Variants in PRDM2 observed in about 807,000 individuals in gnomAD.
PRDM2 encodes the protein PR domain zinc finger protein 2.
A neutral mutation model predicts 130.0 loss-of-function variants in PRDM2; 30 were observed. That is an observed-to-expected ratio of 0.23 (90% CI 0.17 to 0.31). The LOEUF (loss-of-function observed/expected upper bound fraction) is 0.31, where lower values mean the gene tolerates loss of function less well. PRDM2 is among the 10% of genes least tolerant of loss of function. The pLI is 1.00. For synonymous variants in PRDM2, 871 were observed against 782.4 expected, an observed-to-expected ratio of 1.11 and a Z score of -1.89; for missense variants, 2,011 against 2,108.4, an observed-to-expected ratio of 0.95 and a Z score of 0.90.
At chr1:13,722,369 G>T (rs775420244) in intron 2 of PRDM2, among the ~76,000 whole-genome samples, 2 of 152,162 alleles carry the variant, frequency 1.3e-5, no homozygotes, top group Admixed American at 6.5e-5. Flanking sequence ...AATTGAGAAA[G>T]GCCCAGAGTA....
At position 13,779,181 on chromosome 1, in the gene PRDM2, G is replaced by C; in HGVS notation, c.1386G>C (p.Lys462Asn). 1.2e-6 allele frequency: 2 copies of C among 1,614,152 alleles called. No individual in the cohort carries two copies. Among genetic ancestry groups the C allele is most frequent in the Non-Finnish European group, 1.7e-6 (2 of 1,180,034 alleles). ...ACTGTCTGATCATGAATTCAGAGAAGGCTTCCCAAGACACAATAAATTCTT... is the reference window on the plus strand; with the variant it reads ...ACTGTCTGATCATGAATTCAGAGAACGCTTCCCAAGACACAATAAATTCTT... Reference protein sequence around the residue: ...GPDCLIMNSEKASQDTINSSV... With the variant: ...GPDCLIMNSENASQDTINSSV... The change falls in exon 8 of 10, where the codon AAG becomes AAC. Residue 462 changes from lysine to asparagine, a missense_variant. By Grantham distance (94) the Lys-to-Asn change is moderately conservative. Transcript: ENST00000311066. This position sits in a 1 kb window ranked among gnomAD's most constrained non-coding sequence, Gnocchi z 4.9.
chr1:13,789,400 CT>C (rs1464623319), intron 8 of PRDM2, among the ~76,000 whole-genome samples: 1 of 152,168 alleles, frequency 6.6e-6, no homozygotes, highest in African/African-American at 2.4e-5. Flanking sequence ...GTTGTAGGTG[CT>C]TAGGATACAT....
intron 6 of PRDM2, among the ~76,000 whole-genome samples, chr1:13,758,634 T>C (rs1200062446): frequency 6.6e-6 from 1 of 152,110 alleles, no homozygotes; most frequent in Non-Finnish European, 1.5e-5. Flanking sequence ...GGTTAAAACT[T>C]GGTGCGTATA....
chr1:13,767,194 G>A (rs1406979334), intron 6 of PRDM2, among the ~76,000 whole-genome samples: 1 of 151,710 alleles, frequency 6.6e-6, no homozygotes, highest in Non-Finnish European at 1.5e-5. Context: ...TTCAGATCAG[G>A]GTTCTGTGCT....
intron 6 of PRDM2, among the ~76,000 whole-genome samples, chr1:13,756,524 G>C (rs1261982345): frequency 6.6e-6 from 1 of 152,150 alleles, no homozygotes; most frequent in Non-Finnish European, 1.5e-5. Flanking sequence ...GGTTGAAATA[G>C]TTTAGAGGAG....
chr1:13,740,487 T>C (rs1000573718), intron 4 of PRDM2, among the ~76,000 whole-genome samples: 2 of 152,220 alleles, frequency 1.3e-5, no homozygotes, highest in African/African-American at 2.4e-5. Flanking sequence ...TTAAAGTAAC[T>C]ACAGTGCACC....
intron 6 of PRDM2, among the ~76,000 whole-genome samples, chr1:13,761,603 A>AGT (rs1644100122): frequency 6.6e-6 from 1 of 152,042 alleles, no homozygotes; most frequent in Non-Finnish European, 1.5e-5. Flanking sequence ...CCTGACCCCC[A>AGT]GTGTTGTCTA....
intron 6 of PRDM2, among the ~76,000 whole-genome samples, chr1:13,758,688 T>C (rs1185247155): frequency 1.3e-5 from 2 of 152,184 alleles, no homozygotes; most frequent in Admixed American, 6.5e-5. Flanking sequence ...GACTAGAAAA[T>C]TCTCAGTGTT....
chr1:13,788,818 A>C (rs914242688), intron 8 of PRDM2, among the ~76,000 whole-genome samples: 1 of 152,214 alleles, frequency 6.6e-6, no homozygotes, highest in Non-Finnish European at 1.5e-5. Context: ...CTGGCCGTTC[A>C]TCCCTTCCCT....
chr1:13,762,686 C>T (rs1644127370), intron 6 of PRDM2, among the ~76,000 whole-genome samples: 1 of 152,214 alleles, frequency 6.6e-6, no homozygotes, highest in Admixed American at 6.5e-5. Context: ...GAGACCAGCA[C>T]CAAGGAAGAT....
intron 1 of PRDM2, among the ~76,000 whole-genome samples, chr1:13,708,259 G>A (rs187685853): frequency 4.0e-5 from 6 of 151,842 alleles, no homozygotes; most frequent in East Asian, 3.9e-4. Context: ...ATCTAAATGC[G>A]GATTTATAGT....
At chr1:13,773,730 GATA>G (rs1644408693) in intron 7 of PRDM2, 1 of 151,952 alleles carries the variant, frequency 6.6e-6, no homozygotes. Context: ...TAAAAATAAT[GATA>G]ATAAAATGAA....
At chr1:13,808,699 A>T (rs1460017955) in intron 8 of PRDM2, among the ~76,000 whole-genome samples, 1 of 152,146 alleles carries the variant, frequency 6.6e-6, no homozygotes, top group Non-Finnish European at 1.5e-5. Flanking sequence ...CCTTCCTTAC[A>T]TGTTGAGGGT....
Position 13,774,726 on chromosome 1 carries a change from C to G in PRDM2, c.622+1538C>G, listed in dbSNP as rs1644434195. On this transcript the variant is annotated intron_variant, in intron 7 of 9. Coordinates refer to ENST00000311066, the MANE Select transcript of PRDM2 (RefSeq NM_001393986.1). ...GCGCGGTGGCTCACGCCTGTAATCC[C>G]AGCACTTTGGGAGGCCGAGGCGGGT... is the stretch of plus-strand genomic sequence containing the variant. Among the ~76,000 whole-genome samples the G allele has an allele frequency of 5.9e-5, 9 of 152,200 alleles. No homozygotes were observed. The South Asian group carries it at 1.9e-3, about 32-fold the overall frequency.
At chr1:13,708,435 A>G (rs1317159324) in intron 1 of PRDM2, among the ~76,000 whole-genome samples, 2 of 152,204 alleles carry the variant, frequency 1.3e-5, no homozygotes, top group Non-Finnish European at 2.9e-5. Context: ...GGAGCTCTGC[A>G]GCTCCAAAGC....
chr1:13,769,454 G>A (rs1261196397), intron 6 of PRDM2, among the ~76,000 whole-genome samples: 2 of 152,214 alleles, frequency 1.3e-5, no homozygotes, highest in Non-Finnish European at 2.9e-5. Flanking sequence ...TCTGCTTTCT[G>A]TTCTGCCATA....
intron 2 of PRDM2, among the ~76,000 whole-genome samples, chr1:13,730,566 T>A (rs144229276): frequency 5.3e-5 from 8 of 152,316 alleles, no homozygotes; most frequent in Middle Eastern, 3.4e-3. Flanking sequence ...AGGGCCCCAG[T>A]AGCCTTTGTG....
chr1:13,817,601 A>T (rs907540301), intron 9 of PRDM2, among the ~76,000 whole-genome samples: 7 of 151,530 alleles, frequency 4.6e-5, no homozygotes, highest in African/African-American at 1.7e-4. Context: ...GGATGCTTTT[A>T]TAAATACAGA....
At chr1:13,734,520 T>C (rs1400456518) in intron 4 of PRDM2, among the ~76,000 whole-genome samples, 1 of 152,234 alleles carries the variant, frequency 6.6e-6, no homozygotes, top group African/African-American at 2.4e-5. Flanking sequence ...TATTGTATAA[T>C]TTATTAATAG....
Sources: gnomAD v4.1 joint callset for allele counts (sites outside exome capture counted in the v4.1 genomes callset) on GRCh38, gnomAD v4.1.1 for gene constraint, Gnocchi (gnomAD v3.1) non-coding constraint, MANE v1.5 for transcripts, NCBI Gene and HGNC (gene_info 2026-07-23, HGNC 2026-07-21) for gene names.